SPIDR: variants seen among roughly 807,000 people sequenced by gnomAD.
SPIDR encodes scaffold protein involved in DNA repair, also known as DNA repair-scaffolding protein.
Under a neutral mutation model 104.6 loss-of-function variants are expected in SPIDR, and 93 were observed. The observed-to-expected ratio is 0.89, with a 90% CI of 0.75 to 1.06. The LOEUF is 1.06. SPIDR is among the 50% of genes least tolerant of loss of function. The probability of loss-of-function intolerance (pLI) is 0.00; values close to 1 mark genes in which losing one functional copy is unlikely to be tolerated. For synonymous variants in SPIDR, 431 were observed against 416.9 expected (o/e 1.03, Z -0.41); for missense variants, 1,154 against 1,111.2 (o/e 1.04, Z -0.55).
At position 47,401,089 on chromosome 8, in the gene SPIDR, A is replaced by C. The variant is rs2061818455; in HGVS notation, c.776+4463A>C. 2.6e-5 allele frequency among the ~76,000 whole-genome samples: 4 copies of C among 152,172 alleles called. No homozygotes were observed. In the South Asian group the frequency reaches 8.3e-4, roughly 32 times the overall value. ...AAATGTTAAGGGCAGCCAGAGAGAA[A>C]GGTCGGGTTACTCACAAAGAGAAGC... On this transcript the variant is annotated intron_variant, in intron 6 of 19. Coordinates refer to ENST00000297423, the MANE Select transcript of SPIDR (RefSeq NM_001080394.4).
chr8:47,542,150 G>A (rs899208725), intron 8 of SPIDR, among the ~76,000 whole-genome samples: 9 of 151,140 alleles, frequency 6.0e-5, no homozygotes, highest in Middle Eastern at 3.5e-3. Flanking sequence ...TGTAAGCAAC[G>A]TCGTCTTAAC....
rs533957138 is a variant in SPIDR, at chr8:47,697,005, A to G, written c.1686-3398A>G. 6.6e-5 allele frequency among the ~76,000 whole-genome samples: 10 copies of G among 152,270 alleles called. No individual in the cohort carries two copies. In the East Asian group the frequency reaches 1.7e-3, roughly 26 times the overall value. ...CTCCTTCCGCGTGGCCCTCATCTCC[A>G]GTACAGCCCAGTCTCAGTCTCTCCA... On this transcript the variant is annotated intron_variant, in intron 11 of 19. Transcript: ENST00000297423.
Position 47,375,486 on chromosome 8 carries a change from C to T in SPIDR, c.526-20890C>T, listed in dbSNP as rs188036156. 1.7e-3 allele frequency among the ~76,000 whole-genome samples: 263 copies of T among 151,940 alleles called. No individual in the cohort carries two copies. The Middle Eastern group carries it at 0.024, about 14-fold the overall frequency. On this transcript the variant is annotated intron_variant, in intron 5 of 19. Transcript: ENST00000297423. ...CGAACTCCTGACCTCATGATCTGCC[C>T]GCCTCGGCCTCCCAAAGTGCTGGCA... is the stretch of plus-strand genomic sequence containing the variant.
chr8:47,712,981 T>A, intron 15 of SPIDR, 109 bp downstream of exon 15: 1 of 1,523,768 alleles, frequency 6.6e-7, no homozygotes. Flanking sequence ...TGCCGGCACC[T>A]TCACGGAGCC....
chr8:47,274,625 T>C (rs2036003311), intron 1 of SPIDR, among the ~76,000 whole-genome samples: 1 of 151,744 alleles, frequency 6.6e-6, no homozygotes, highest in African/African-American at 2.4e-5. Flanking sequence ...TCACCCATGC[T>C]AGAGTCCAGT....
intron 11 of SPIDR, 41 bp from the exon 12 acceptor site, chr8:47,700,362 G>A: frequency 1.2e-6 from 2 of 1,600,020 alleles, no homozygotes; most frequent in South Asian, 2.2e-5. Flanking sequence ...ACTCAGTAAG[G>A]GATGTCTGAT....
At chr8:47,591,790 T>A (rs1228141678) in intron 8 of SPIDR, among the ~76,000 whole-genome samples, 1 of 149,234 alleles carries the variant, frequency 6.7e-6, no homozygotes, top group Non-Finnish European at 1.5e-5. Context: ...TCAAAAAAAA[T>A]AAAATAAAGA....
chr8:47,330,794 G>T (rs1554604007), intron 5 of SPIDR: 1 of 456,206 alleles, frequency 2.2e-6, no homozygotes, highest in Admixed American at 2.3e-5. Flanking sequence ...TGGCAATTAT[G>T]ATTGAAGGTG....
rs1309037122 is a variant in SPIDR, at chr8:47,323,293, G to C, written c.525+29263G>C. ...AAATCTTCTCAGGGAACATAGACCT[G>C]TGTTATTGTATTTATGTAAGTAGTT... is the stretch of plus-strand genomic sequence containing the variant. On this transcript the variant is annotated intron_variant, in intron 5 of 19. Transcript: ENST00000297423. Among the ~76,000 whole-genome samples the C allele has an allele frequency of 2.6e-5, 4 of 152,104 alleles. No individual in the cohort carries two copies. In the South Asian group the frequency reaches 6.2e-4, roughly 24 times the overall value.
chr8:47,670,620 T>C (rs2075666748), intron 10 of SPIDR, among the ~76,000 whole-genome samples: 1 of 152,192 alleles, frequency 6.6e-6, no homozygotes, highest in Non-Finnish European at 1.5e-5. Flanking sequence ...TGTTCTTTGG[T>C]GATTATCCTT....
chr8:47,733,144 T>C (rs2085542622), intron 19 of SPIDR, among the ~76,000 whole-genome samples: 1 of 152,230 alleles, frequency 6.6e-6, no homozygotes, highest in Non-Finnish European at 1.5e-5. Context: ...CCCAGCACTT[T>C]GGGAGGCCCA....
At chr8:47,398,001 G>A (rs2061432803) in intron 6 of SPIDR, among the ~76,000 whole-genome samples, 1 of 152,130 alleles carries the variant, frequency 6.6e-6, no homozygotes, top group Non-Finnish European at 1.5e-5. Flanking sequence ...TTGAGGATGT[G>A]GCCGAGTTTA....
intron 11 of SPIDR, among the ~76,000 whole-genome samples, chr8:47,692,929 T>A (rs1206545468): frequency 6.6e-6 from 1 of 152,232 alleles, no homozygotes; most frequent in Non-Finnish European, 1.5e-5. Context: ...TTCTCTTGGA[T>A]AGACAGCAAG....
At chr8:47,577,452 A>G (rs1324117264) in intron 8 of SPIDR, among the ~76,000 whole-genome samples, 4 of 152,226 alleles carry the variant, frequency 2.6e-5, no homozygotes, top group East Asian at 3.9e-4. Context: ...GTACAGTTGC[A>G]TCTTAAACAA....
At chr8:47,331,989 CT>C (rs1289524835) in intron 5 of SPIDR, among the ~76,000 whole-genome samples, 576 of 36,312 alleles carry the variant, frequency 0.016, no homozygotes, top group Middle Eastern at 0.023. Flanking sequence ...TTTTTTTTCT[CT>C]TTTTTTTTTT....
chr8:47,349,827 A>G (rs1440371650), intron 5 of SPIDR, among the ~76,000 whole-genome samples: 2 of 152,324 alleles, frequency 1.3e-5, no homozygotes, highest in African/African-American at 4.8e-5. Flanking sequence ...CCATTGGAAA[A>G]GCGCAGTATT....
At chr8:47,592,590 T>A in intron 8 of SPIDR, 1 of 1,247,510 alleles carries the variant, frequency 8.0e-7, no homozygotes, top group East Asian at 2.3e-5. Context: ...TTGATGATCC[T>A]GCGGGGCAGC....
At chr8:47,428,760 T>G (rs1208128923) in intron 7 of SPIDR, among the ~76,000 whole-genome samples, 9 of 152,208 alleles carry the variant, frequency 5.9e-5, no homozygotes, top group Non-Finnish European at 8.8e-5. Context: ...TCCCTGTGTT[T>G]CAGTTGAAGG....
intron 5 of SPIDR, among the ~76,000 whole-genome samples, chr8:47,358,731 A>G (rs559427545): frequency 6.6e-6 from 1 of 152,294 alleles, no homozygotes; most frequent in East Asian, 1.9e-4. Flanking sequence ...TGATCCCTAT[A>G]TTACTTCAGT....
Sources: gnomAD v4.1 joint callset for allele counts (sites outside exome capture counted in the v4.1 genomes callset) on GRCh38, gnomAD v4.1.1 for gene constraint, MANE v1.5 for transcripts, NCBI Gene and HGNC (gene_info 2026-07-23, HGNC 2026-07-21) for gene names.